The following CNTLN variants were observed in gnomAD, a reference collection of about 807,000 sequenced individuals.
CNTLN encodes centlein, also known as centlein, centrosomal protein.
A neutral mutation model predicts 180.0 loss-of-function variants in CNTLN; 212 were observed. The observed-to-expected ratio is 1.18, with a 90% CI of 1.05 to 1.32. CNTLN has a LOEUF of 1.32. CNTLN is among the 40% of genes most tolerant of loss of function. The pLI, the probability that CNTLN is intolerant of heterozygous loss-of-function variation, is 0.00. For missense variants in CNTLN, 2,095 were observed against 1,610.9 expected, an observed-to-expected ratio of 1.30 and a Z score of -5.14; for synonymous variants, 722 against 563.1, an observed-to-expected ratio of 1.28 and a Z score of -3.99.
At chr9:17,272,122 C>T (rs1827994633) in intron 5 of CNTLN, among the ~76,000 whole-genome samples, 1 of 139,044 alleles carries the variant, frequency 7.2e-6, no homozygotes, top group Non-Finnish European at 1.6e-5. Context: ...CCCTTCCTTC[C>T]TTTCTTTCCT....
intron 18 of CNTLN, among the ~76,000 whole-genome samples, chr9:17,440,738 G>A (rs928532396): frequency 2.7e-4 from 41 of 152,198 alleles, no homozygotes; most frequent in African/African-American, 9.9e-4. Flanking sequence ...TATCCATGCA[G>A]TGGATTATCA....
intron 11 of CNTLN, among the ~76,000 whole-genome samples, chr9:17,341,765 G>A (rs1385944584): frequency 6.6e-6 from 1 of 152,116 alleles, no homozygotes; most frequent in Non-Finnish European, 1.5e-5. Context: ...GTAGATAATT[G>A]TCACATCTAA....
chr9:17,426,001 C>A (rs1170452016), intron 18 of CNTLN, among the ~76,000 whole-genome samples: 1 of 152,138 alleles, frequency 6.6e-6, no homozygotes, highest in East Asian at 1.9e-4. Flanking sequence ...TTGAAGAGAA[C>A]ATTAAGAGTG....
chr9:17,203,029 T>C (rs1822661487), intron 2 of CNTLN, among the ~76,000 whole-genome samples: 1 of 150,478 alleles, frequency 6.6e-6, no homozygotes, highest in South Asian at 2.1e-4. Context: ...AAGGCAGGCC[T>C]GGTGGTGACA....
chr9:17,398,417 T>A (rs1303358071), intron 15 of CNTLN, among the ~76,000 whole-genome samples: 1 of 152,112 alleles, frequency 6.6e-6, no homozygotes, highest in African/African-American at 2.4e-5. Flanking sequence ...GAGGGGGAGT[T>A]CTGAGATTAA....
In CNTLN at chr9:17,466,748, G is replaced by A. The variant is rs1831773030; in HGVS notation, c.3712G>A (p.Glu1238Lys). ...CCTAGTATCAAGAATAAGTGAGACT[G>A]AATCTGCAATGGCAGAAATTGAAAC... Reference protein sequence around the residue: ...TLLVSRISETESAMAEIETAA... With the variant: ...TLLVSRISETKSAMAEIETAA... The change falls in exon 23 of 26, where the codon GAA (glutamate) becomes AAA (lysine). Residue 1238 changes from glutamate (E) to lysine (K), a missense_variant. Transcript: ENST00000380647. 6.2e-7 allele frequency: 1 copy of A among 1,610,472 alleles called. No homozygotes were observed. Among genetic ancestry groups the A allele is most frequent in the Non-Finnish European group, 8.5e-7 (1 of 1,177,714 alleles).
chr9:17,475,089 A>G (rs1020637169), intron 23 of CNTLN, among the ~76,000 whole-genome samples: 4 of 152,102 alleles, frequency 2.6e-5, no homozygotes, highest in African/African-American at 9.7e-5. Context: ...TGAACACTGC[A>G]GGCCCTCTTC....
intron 5 of CNTLN, among the ~76,000 whole-genome samples, chr9:17,270,360 C>G (rs1827842565): frequency 6.6e-6 from 1 of 152,030 alleles, no homozygotes; most frequent in Admixed American, 6.5e-5. Flanking sequence ...TTTTCTGACT[C>G]TATTGGCATC....
At chr9:17,419,130 T>C (rs1442515) in intron 18 of CNTLN, among the ~76,000 whole-genome samples, 2 of 151,778 alleles carry the variant, frequency 1.3e-5, no homozygotes, top group South Asian at 4.1e-4. Context: ...TGTTTGTTTG[T>C]TTTTTTTACA....
intron 5 of CNTLN, among the ~76,000 whole-genome samples, chr9:17,252,152 G>C (rs942747818): frequency 4.6e-5 from 7 of 151,726 alleles, no homozygotes; most frequent in Admixed American, 4.6e-4. Flanking sequence ...GGATACTTAG[G>C]TTGATGCCAT....
the CNTLN span, among the ~76,000 whole-genome samples, chr9:17,522,276 A>G: frequency 6.6e-6 from 1 of 151,992 alleles, no homozygotes; most frequent in African/African-American, 2.4e-5. Context: ...GCGTAATGGG[A>G]TGACTACCGA....
chr9:17,373,891 G>A (rs1277617281), intron 13 of CNTLN, among the ~76,000 whole-genome samples: 1 of 152,124 alleles, frequency 6.6e-6, no homozygotes, highest in Non-Finnish European at 1.5e-5. Flanking sequence ...AATAAATACT[G>A]CTGGGAAAAC....
chr9:17,495,614 T>C (rs1833411054), intron 25 of CNTLN, among the ~76,000 whole-genome samples: 1 of 149,886 alleles, frequency 6.7e-6, no homozygotes, highest in Middle Eastern at 3.2e-3. Flanking sequence ...TAAGCTAAAG[T>C]TAATTTATTA....
intron 5 of CNTLN, among the ~76,000 whole-genome samples, chr9:17,245,824 G>C (rs1286399710): frequency 6.6e-6 from 1 of 151,738 alleles, no homozygotes; most frequent in Non-Finnish European, 1.5e-5. Context: ...CTGCTTTTAA[G>C]AGACTGATGC....
At chr9:17,235,619 A>C in intron 3 of CNTLN, 39 bp from the exon 4 acceptor site, 2 of 1,436,236 alleles carry the variant, frequency 1.4e-6, no homozygotes, top group South Asian at 2.6e-5. Context: ...TTTTTCTTAG[A>C]AATAAAAGCT....
chr9:17,383,159 A>G (rs1422198335), intron 13 of CNTLN, among the ~76,000 whole-genome samples: 1 of 152,152 alleles, frequency 6.6e-6, no homozygotes, highest in East Asian at 1.9e-4. Flanking sequence ...ATGTATATAC[A>G]CACACAAATA....
chr9:17,425,940 A>G (rs1480498467), intron 18 of CNTLN, among the ~76,000 whole-genome samples: 2 of 152,200 alleles, frequency 1.3e-5, no homozygotes, highest in Non-Finnish European at 2.9e-5. Flanking sequence ...AACTTGGAAG[A>G]TATGGATATT....
chr9:17,347,673 CA>C (rs369056271), intron 12 of CNTLN, among the ~76,000 whole-genome samples: 38 of 129,944 alleles, frequency 2.9e-4, no homozygotes, highest in African/African-American at 7.1e-4. Flanking sequence ...ACTCTTGTCT[CA>C]AAAAAAAAAA....
chr9:17,338,345 T>TTTTTTTTG, intron 10 of CNTLN, among the ~76,000 whole-genome samples: 1 of 144,402 alleles, frequency 6.9e-6, no homozygotes, highest in Non-Finnish European at 1.5e-5. Context: ...TTGTTTTTTT[T>TTTTTTTTG]TTTTTTTTTT....
Sources: allele counts gnomAD v4.1 joint callset (sites outside exome capture counted in the v4.1 genomes callset), GRCh38; gene constraint gnomAD v4.1.1; transcripts MANE v1.5; gene names NCBI Gene and HGNC (gene_info 2026-07-23, HGNC 2026-07-21).